Variants in ALMS1 observed in about 807,000 individuals in gnomAD.
ALMS1 encodes the protein centrosome-associated protein ALMS1.
Under a neutral mutation model 352.2 loss-of-function variants are expected in ALMS1, and 271 were observed. That is an observed-to-expected ratio of 0.77 (90% confidence interval 0.70 to 0.85). The LOEUF (loss-of-function observed/expected upper bound fraction) is 0.85. Among genes scored for constraint, ALMS1 ranks in the 40% least tolerant of loss-of-function variants. The pLI is 0.00. For missense variants in ALMS1, 5,445 were observed against 4,870.7 expected, an observed-to-expected ratio of 1.12 and a Z score of -3.51; for synonymous variants, 1,865 against 1,761.2, an observed-to-expected ratio of 1.06 and a Z score of -1.48.
In ALMS1 at chr2:73,480,293, T is replaced by A. The variant is rs1319415719; in HGVS notation, c.7675-9341T>A. Among the ~76,000 whole-genome samples, 14 of 152,248 alleles carry A rather than the reference T, an allele frequency of 9.2e-5. No homozygotes were observed. In the South Asian group the frequency reaches 2.9e-3, roughly 32 times the overall value. On this transcript the variant is annotated intron_variant, in intron 9 of 22. Transcript: ENST00000613296. Reference sequence around the variant, plus strand: ...TTCCTGTGTCCATGTGATCTCATTGTTCAATTCCCACCTATGAGTGAGAAT... The same window carrying A: ...TTCCTGTGTCCATGTGATCTCATTGATCAATTCCCACCTATGAGTGAGAAT...
rs1558639105 is a variant in ALMS1 at position 73,424,462 on chromosome 2, G to A, written c.797G>A (p.Trp266Ter). ...GIPDKSEDTEWSSRPSEVSEA... is the reference protein window; with the variant it reads ...GIPDKSEDTE Reference sequence around the variant, plus strand: ...CCTGATAAGTCTGAAGATACTGAATGGTCTTCTCGACCATCGGAAGTTAGT... The same window carrying A: ...CCTGATAAGTCTGAAGATACTGAATAGTCTTCTCGACCATCGGAAGTTAGT... Residue 266 changes from tryptophan to a stop codon, truncating the protein, a stop_gained, in exon 5 of 23, where the codon TGG (tryptophan) becomes TAG (stop). Transcript: ENST00000613296. LOFTEE classifies it high-confidence loss of function. The A allele has an allele frequency of 6.3e-6, 10 of 1,598,462 alleles. No homozygotes were observed. Among genetic ancestry groups the A allele is most frequent in the Non-Finnish European group, 8.5e-6 (10 of 1,174,378 alleles).
chr2:73,441,739 G>C (rs998281905), intron 7 of ALMS1, among the ~76,000 whole-genome samples: 1 of 152,090 alleles, frequency 6.6e-6, no homozygotes, highest in Non-Finnish European at 1.5e-5. Flanking sequence ...CTCCAGTCTG[G>C]AGGTCCTTAG....
intron 5 of ALMS1, 88 bp from the exon 6 acceptor site, chr2:73,426,365 A>T (rs1489125097): frequency 2.3e-6 from 3 of 1,317,734 alleles, no homozygotes; most frequent in Admixed American, 1.7e-5. Context: ...GAAAGCTGAT[A>T]TAGGCCAAGG....
At chr2:73,424,981 G>T (rs1361203153) in intron 5 of ALMS1, 79 bp downstream of exon 5, 2 of 1,251,186 alleles carry the variant, frequency 1.6e-6, no homozygotes, top group Admixed American at 2.5e-5. Context: ...AACAATTTTA[G>T]TGTCCCCTTT....
intron 5 of ALMS1, 47 bp from the exon 6 acceptor site, chr2:73,426,406 T>C: frequency 6.3e-7 from 1 of 1,590,936 alleles, no homozygotes; most frequent in Non-Finnish European, 8.6e-7. Context: ...GAGCTGAGCC[T>C]AGTTTTACTA....
chr2:73,436,169 A>G (rs2103743322), intron 7 of ALMS1, among the ~76,000 whole-genome samples: 1 of 152,224 alleles, frequency 6.6e-6, no homozygotes, highest in East Asian at 1.9e-4. Context: ...TTCTTGGTTG[A>G]CAGTCTTTTT....
chr2:73,403,728 A>G (rs1216097313), intron 1 of ALMS1, among the ~76,000 whole-genome samples: 2 of 152,160 alleles, frequency 1.3e-5, no homozygotes, highest in African/African-American at 4.8e-5. Flanking sequence ...TTCAGTAGAC[A>G]GATCTTTTGC....
In ALMS1 at chr2:73,476,333, A is replaced by G. The variant is rs540190543; in HGVS notation, c.7675-13301A>G. On this transcript the variant is annotated intron_variant, in intron 9 of 22. Coordinates refer to ENST00000613296, the MANE Select transcript of ALMS1 (RefSeq NM_001378454.1). ...CTTGAGTTGCTTCTGCCATTTGGCT[A>G]TTGTGAATAGTGCTGCTGTGAACAT... Among the ~76,000 whole-genome samples, 20 of 152,206 alleles carry G rather than the reference A, an allele frequency of 1.3e-4. No individual in the cohort carries two copies. In the South Asian group the frequency reaches 2.5e-3, roughly 19 times the overall value.
At chr2:73,392,847 C>A (rs191871363) in intron 1 of ALMS1, among the ~76,000 whole-genome samples, 16 of 152,118 alleles carry the variant, frequency 1.1e-4, no homozygotes, top group African/African-American at 3.9e-4. Context: ...GGATTCATTT[C>A]TCTTGGATGT....
At chr2:73,594,429 G>GT (rs1675503353) in intron 16 of ALMS1, among the ~76,000 whole-genome samples, 2 of 152,356 alleles carry the variant, frequency 1.3e-5, no homozygotes, top group Admixed American at 6.5e-5. Context: ...GTAATTGTGT[G>GT]TTTTTTCACA....
In ALMS1 at chr2:73,452,580, C is replaced by A. The variant is rs1558650740; in HGVS notation, c.6053C>A (p.Ser2018Tyr). The A allele has an allele frequency of 6.2e-7, 1 of 1,614,080 alleles. No individual in the cohort carries two copies. The highest frequency in any genetic ancestry group is 8.5e-7 in the Non-Finnish European group (1 of 1,180,002). ...KTEFPAATLS[S>Y]YSQIEKPKIS... ...GAGTTTCCAGCAGCTACCCTTAGTTCCTACTCACAAATAGAGAAGCCCAAG... is the reference window on the plus strand; with the variant it reads ...GAGTTTCCAGCAGCTACCCTTAGTTACTACTCACAAATAGAGAAGCCCAAG... Residue 2018 changes from serine (S) to tyrosine (Y), a missense_variant, in exon 8 of 23, where the codon TCC becomes TAC. Ser to Tyr is a moderately radical substitution (Grantham distance 144, BLOSUM62 -2). Transcript: ENST00000613296.
intron 15 of ALMS1, among the ~76,000 whole-genome samples, chr2:73,566,409 G>A (rs531808112): frequency 3.6e-4 from 55 of 152,300 alleles, no homozygotes; most frequent in African/African-American, 1.3e-3. Context: ...GGGGCAGGTA[G>A]TGTAAATGTA....
At position 73,449,646 on chromosome 2, in the gene ALMS1, C is replaced by T. The variant is rs1174217999; in HGVS notation, c.3119C>T (p.Thr1040Ile). The T allele has an allele frequency of 6.2e-7, 1 of 1,614,078 alleles. No individual in the cohort carries two copies. The highest frequency in any genetic ancestry group is 2.2e-5 in the East Asian group (1 of 44,888). Residue 1040 changes from threonine (T) to isoleucine (I), a missense_variant, in exon 8 of 23, where the codon ACT becomes ATT. Thr to Ile is a moderately conservative substitution (Grantham distance 89). Transcript: ENST00000613296. ...GGCCCTGGACCAGCTGACCAGAAGA[C>T]TGAGATACCAGCAGTACAGTCTAGT... Reference protein sequence around the residue: ...STGPGPADQKTEIPAVQSSSY... With the variant: ...STGPGPADQKIEIPAVQSSSY...
Position 73,449,049 on chromosome 2 carries a change from C to G in ALMS1, c.2522C>G (p.Ser841Cys), listed in dbSNP as rs1185551769. ...PEEALKVSAV[S>C]GPADGKTGTP... Reference sequence around the variant, plus strand: ...GAGGCTCTGAAAGTTTCAGCTGTTTCTGGACCAGCTGACGGAAAGACTGGG... The same window carrying G: ...GAGGCTCTGAAAGTTTCAGCTGTTTGTGGACCAGCTGACGGAAAGACTGGG... Residue 841 changes from serine to cysteine, a missense_variant, in exon 8 of 23, where the codon TCT becomes TGT. Coordinates refer to ENST00000613296, the MANE Select transcript of ALMS1 (RefSeq NM_001378454.1). 1.2e-6 allele frequency: 2 copies of G among 1,614,122 alleles called. No individual in the cohort carries two copies. The highest frequency in any genetic ancestry group is 1.7e-6 in the Non-Finnish European group (2 of 1,179,980).
chr2:73,492,347 A>G (rs2103899824), intron 10 of ALMS1, among the ~76,000 whole-genome samples: 1 of 152,328 alleles, frequency 6.6e-6, no homozygotes, highest in African/African-American at 2.4e-5. Flanking sequence ...GAACTTAGAT[A>G]TGCTATCCTA....
rs1293763583 is a variant in ALMS1, at chr2:73,390,646, G to A, written c.324+4454G>A. Among the ~76,000 whole-genome samples the A allele has an allele frequency of 3.3e-5, 5 of 152,270 alleles. No homozygotes were observed. In the East Asian group the frequency reaches 9.6e-4, roughly 29 times the overall value. ...CCTACAGACCATTCAGGCACTTCTT[G>A]TAATTCCTTAACCTGAATTTCTGAG... On this transcript the variant is annotated intron_variant, in intron 1 of 22. Coordinates refer to ENST00000613296, the MANE Select transcript of ALMS1 (RefSeq NM_001378454.1).
At chr2:73,461,715 T>G (rs1298967291) in intron 9 of ALMS1, among the ~76,000 whole-genome samples, 1 of 152,012 alleles carries the variant, frequency 6.6e-6, no homozygotes, top group African/African-American at 2.4e-5. Context: ...TCAAAAAAAT[T>G]AGACGAATGG....
rs116563498 is a variant in ALMS1, at chr2:73,587,536, A to G, written c.11548-11865A>G. Among the ~76,000 whole-genome samples, 842 of 152,244 alleles carry G rather than the reference A, an allele frequency of 5.5e-3. 5 individuals carry two copies. In the Middle Eastern group the frequency reaches 0.061, roughly 11 times the overall value. On this transcript the variant is annotated intron_variant, in intron 16 of 22. Transcript: ENST00000613296. The stretch of plus-strand genomic sequence containing the variant: ...TTTTTCTGCATCTTTTGAGATGATC[A>G]TGTGATTTTTATTTTAAATTCTGTT...
intron 7 of ALMS1, among the ~76,000 whole-genome samples, chr2:73,443,050 A>G (rs1050075288): frequency 1.3e-5 from 2 of 152,164 alleles, no homozygotes; most frequent in African/African-American, 2.4e-5. Flanking sequence ...TGATTCTATC[A>G]GACTCCCATT....
Sources: allele counts gnomAD v4.1 joint callset (sites outside exome capture counted in the v4.1 genomes callset), GRCh38; gene constraint gnomAD v4.1.1; transcripts MANE v1.5; gene names NCBI Gene and HGNC (gene_info 2026-07-23, HGNC 2026-07-21).